PLCXD3: variants seen among roughly 807,000 people sequenced by gnomAD.
PLCXD3 encodes the protein phosphatidylinositol specific phospholipase C X domain containing 3.
Under a neutral mutation model 25.5 loss-of-function variants are expected in PLCXD3, and 19 were observed. That is an observed-to-expected ratio of 0.75 (90% CI 0.52 to 1.09). The LOEUF (loss-of-function observed/expected upper bound fraction) is 1.09, where lower values mean the gene tolerates loss of function less well. Ranked by LOEUF, PLCXD3 falls within the 50% of genes least tolerant of loss-of-function variation. The probability of loss-of-function intolerance (pLI) is 0.00; values close to 1 mark genes in which losing one functional copy is unlikely to be tolerated. For synonymous variants in PLCXD3, 174 were observed against 137.6 expected (o/e 1.26, Z -1.85); for missense variants, 411 against 388.1 (o/e 1.06, Z -0.50).
intron 1 of PLCXD3, among the ~76,000 whole-genome samples, chr5:41,463,145 ACAGG>A (rs1747932909): frequency 6.6e-6 from 1 of 152,066 alleles, no homozygotes. Flanking sequence ...ATTGTATACA[ACAGG>A]GTAATCTCAC....
At chr5:41,323,169 A>G (rs1319416449) in intron 2 of PLCXD3, among the ~76,000 whole-genome samples, 1 of 151,574 alleles carries the variant, frequency 6.6e-6, no homozygotes, top group Non-Finnish European at 1.5e-5. Flanking sequence ...TCTAAAAATC[A>G]AAACATTGAA....
intron 1 of PLCXD3, among the ~76,000 whole-genome samples, chr5:41,456,157 A>C (rs1747748656): frequency 6.6e-6 from 1 of 151,896 alleles, no homozygotes; most frequent in Admixed American, 6.6e-5. Context: ...TAAGCATCAT[A>C]ATGAAAGTGA....
At chr5:41,316,269 C>T (rs1197256343) in intron 2 of PLCXD3, among the ~76,000 whole-genome samples, 1 of 152,130 alleles carries the variant, frequency 6.6e-6, no homozygotes, top group East Asian at 1.9e-4. Flanking sequence ...CAGAAGGGAA[C>T]CTGCTGCCTT....
chr5:41,317,270 C>T (rs1743328280), intron 2 of PLCXD3, among the ~76,000 whole-genome samples: 1 of 152,210 alleles, frequency 6.6e-6, no homozygotes, highest in South Asian at 2.1e-4. Flanking sequence ...CAAGGTGGTA[C>T]CTCTACAAGT....
intron 2 of PLCXD3, among the ~76,000 whole-genome samples, chr5:41,373,578 A>C (rs762969353): frequency 2.6e-5 from 4 of 152,030 alleles, no homozygotes; most frequent in Non-Finnish European, 5.9e-5. Flanking sequence ...AGCCCATGGA[A>C]CGGCCAGCCC....
intron 2 of PLCXD3, among the ~76,000 whole-genome samples, chr5:41,359,197 C>A (rs756244437): frequency 2.0e-5 from 3 of 151,968 alleles, no homozygotes; most frequent in Non-Finnish European, 4.4e-5. Context: ...TATGTCCTTC[C>A]CTGGTTTTGG....
intron 2 of PLCXD3, among the ~76,000 whole-genome samples, chr5:41,319,530 T>G (rs1053940125): frequency 5.9e-5 from 9 of 152,072 alleles, no homozygotes; most frequent in African/African-American, 2.2e-4. Flanking sequence ...ATGAAGACAT[T>G]AAGAAGGAAA....
intron 1 of PLCXD3, among the ~76,000 whole-genome samples, chr5:41,429,478 T>C (rs1747041652): frequency 6.6e-6 from 1 of 152,080 alleles, no homozygotes; most frequent in Admixed American, 6.6e-5. Context: ...TCCAATTGAG[T>C]TGCAAAGATT....
At position 41,429,473 on chromosome 5, in the gene PLCXD3, T is replaced by A. The variant is rs187738236; in HGVS notation, c.104-46939A>T. On this transcript the variant is annotated intron_variant, in intron 1 of 2. Transcript: ENST00000377801. ...TACCTTAGCAATGTACTTGATCCAA[T>A]TGAGTTGCAAAGATTGATTAAACAG... is the stretch of plus-strand genomic sequence containing the variant. Among the ~76,000 whole-genome samples the A allele has an allele frequency of 7.9e-5, 12 of 152,232 alleles. No individual in the cohort carries two copies. The East Asian group carries it at 1.5e-3, about 20-fold the overall frequency.
At chr5:41,375,163 G>GAGAGAGA (rs2150490270) in intron 2 of PLCXD3, among the ~76,000 whole-genome samples, 1 of 151,468 alleles carries the variant, frequency 6.6e-6, no homozygotes, top group South Asian at 2.1e-4. Context: ...GAGGAAGAAA[G>GAGAGAGA]AGAGAGAGAA....
At chr5:41,489,410 C>A (rs1329017516) in intron 1 of PLCXD3, among the ~76,000 whole-genome samples, 2 of 151,862 alleles carry the variant, frequency 1.3e-5, no homozygotes, top group South Asian at 2.1e-4. Context: ...CTTGGCGATG[C>A]GGGCTCTTTT....
chr5:41,314,446 TA>T (rs899240862), intron 2 of PLCXD3, among the ~76,000 whole-genome samples: 35 of 152,274 alleles, frequency 2.3e-4, no homozygotes, highest in African/African-American at 8.2e-4. Context: ...ACAATAGTCA[TA>T]AAAATATGTA....
At chr5:41,475,658 C>T (rs371015814) in intron 1 of PLCXD3, 13 of 534,658 alleles carry the variant, frequency 2.4e-5, no homozygotes, top group South Asian at 4.2e-5. Context: ...CCTGTTCAGG[C>T]GCCACCTGTG....
chr5:41,357,142 T>C (rs1029904286), intron 2 of PLCXD3, among the ~76,000 whole-genome samples: 1 of 152,254 alleles, frequency 6.6e-6, no homozygotes, highest in Admixed American at 6.5e-5. Context: ...ATGTGATTAA[T>C]GGCAACAAAA....
Position 41,345,999 on chromosome 5 carries a change from C to T in PLCXD3, c.813-32229G>A, listed in dbSNP as rs1744291895. On this transcript the variant is annotated intron_variant, in intron 2 of 2. Coordinates refer to ENST00000377801, the MANE Select transcript of PLCXD3 (RefSeq NM_001005473.3). Reference sequence around the variant, plus strand: ...GGTTCAAGTGATTCTCCTGCCTCAGCCTCCCAAGTAGCTGGGACTACAGGC... The same window carrying T: ...GGTTCAAGTGATTCTCCTGCCTCAGTCTCCCAAGTAGCTGGGACTACAGGC... Among the ~76,000 whole-genome samples the T allele has an allele frequency of 2.0e-5, 3 of 152,290 alleles. No individual in the cohort carries two copies. In the South Asian group the frequency reaches 6.2e-4, roughly 32 times the overall value.
At chr5:41,454,744 G>A (rs866427674) in intron 1 of PLCXD3, among the ~76,000 whole-genome samples, 77 of 151,814 alleles carry the variant, frequency 5.1e-4, no homozygotes, top group Admixed American at 6.6e-4. Flanking sequence ...GACAACCACC[G>A]GAACTTAAGA....
chr5:41,399,854 C>A (rs1746124762), intron 1 of PLCXD3, among the ~76,000 whole-genome samples: 3 of 151,926 alleles, frequency 2.0e-5, no homozygotes, highest in Non-Finnish European at 4.4e-5. Context: ...GGGATCGCAT[C>A]AAATTAAAAA....
rs535398734 is a variant in PLCXD3, at chr5:41,456,095, G to C, written c.103+54329C>G. On this transcript the variant is annotated intron_variant, in intron 1 of 2. Coordinates refer to ENST00000377801, the MANE Select transcript of PLCXD3 (RefSeq NM_001005473.3). ...TAAGCTATGTAGGGTGTGATAAAGG[G>C]AACTGGTAATGAGGAGGGAGAGCGG... 7.2e-5 allele frequency among the ~76,000 whole-genome samples: 11 copies of C among 152,010 alleles called. No individual in the cohort carries two copies. The South Asian group carries it at 2.3e-3, about 32-fold the overall frequency.
intron 2 of PLCXD3, among the ~76,000 whole-genome samples, chr5:41,360,787 G>A (rs1744749152): frequency 1.3e-5 from 2 of 152,196 alleles, no homozygotes; most frequent in Non-Finnish European, 2.9e-5. Flanking sequence ...GACTCTGTGA[G>A]GGTCCTGGGT....
Sources: gnomAD v4.1 joint callset for allele counts (sites outside exome capture counted in the v4.1 genomes callset) on GRCh38, gnomAD v4.1.1 for gene constraint, MANE v1.5 for transcripts, NCBI Gene and HGNC (gene_info 2026-07-23, HGNC 2026-07-21) for gene names.